The following TTLL9 variants were observed in gnomAD, a reference collection of about 807,000 sequenced individuals.
TTLL9 encodes the protein tubulin tyrosine ligase like 9, also known as probable tubulin polyglutamylase TTLL9.
Under a neutral mutation model 65.6 loss-of-function variants are expected in TTLL9, and 47 were observed. The observed-to-expected ratio is 0.72, with a 90% CI of 0.57 to 0.91. The LOEUF (loss-of-function observed/expected upper bound fraction) is 0.91. Among genes scored for constraint, TTLL9 ranks in the 40% least tolerant of loss-of-function variants. The pLI, the probability that TTLL9 is intolerant of heterozygous loss-of-function variation, is 0.00. For missense variants in TTLL9, 537 were observed against 568.8 expected (o/e 0.94, Z 0.57); for synonymous variants, 179 against 204.8 (o/e 0.87, Z 1.07).
At position 31,887,229 on chromosome 20, in the gene TTLL9, G is replaced by A. The variant is rs762112900; in HGVS notation, c.103G>A (p.Gly35Arg). The A allele has an allele frequency of 6.2e-7, 1 of 1,614,120 alleles. No individual in the cohort carries two copies. The highest frequency in any genetic ancestry group is 8.5e-7 in the Non-Finnish European group (1 of 1,180,000). ...TTACAAGGGCCATGGATTGTCAAAGGGAAAAGAGCGGTGAGTGGTCCCATC... is the reference window on the plus strand; with the variant it reads ...TTACAAGGGCCATGGATTGTCAAAGAGAAAAGAGCGGTGAGTGGTCCCATC... ...QNYKGHGLSK[G>R]KEREQRASIR... The change falls in exon 3 of 15, where the codon GGA becomes AGA. Residue 35 changes from glycine to arginine, a missense_variant. Transcript: ENST00000535842.
intron 10 of TTLL9, among the ~76,000 whole-genome samples, chr20:31,932,002 T>C (rs945461590): frequency 2.0e-5 from 3 of 152,210 alleles, no homozygotes; most frequent in Non-Finnish European, 4.4e-5. Context: ...CTCTATGAAT[T>C]TCATAGTTTT....
intron 3 of TTLL9, among the ~76,000 whole-genome samples, chr20:31,895,116 T>TGTC (rs750673812): frequency 2.0e-5 from 3 of 152,352 alleles, no homozygotes; most frequent in Non-Finnish European, 4.4e-5. Flanking sequence ...CAATCCAGGA[T>TGTC]GTCCACATAG....
At chr20:31,938,325 G>C (rs2064152304) in intron 13 of TTLL9, 1 of 349,858 alleles carries the variant, frequency 2.9e-6, no homozygotes. Context: ...CATGGGGTGA[G>C]GGAGGGAGGG....
chr20:31,928,568 CTAAA>C (rs1192655350), intron 10 of TTLL9, among the ~76,000 whole-genome samples: 13 of 151,344 alleles, frequency 8.6e-5, no homozygotes, highest in Admixed American at 8.6e-4. Context: ...TATACATACA[CTAAA>C]TACAAAAATA....
At chr20:31,921,035 G>A (rs1400265546) in intron 7 of TTLL9, among the ~76,000 whole-genome samples, 1 of 152,214 alleles carries the variant, frequency 6.6e-6, no homozygotes, top group Non-Finnish European at 1.5e-5. Context: ...CATGGGTGGT[G>A]TAGGCAGCAC....
chr20:31,939,034 G>A (rs1291857302), intron 13 of TTLL9, 108 bp from the exon 14 acceptor site: 4 of 1,316,790 alleles, frequency 3.0e-6, no homozygotes, highest in Admixed American at 2.7e-5. Flanking sequence ...AAGGACTTCT[G>A]AGGGACGGAC....
At chr20:31,938,107 TCCCTCC>T in intron 13 of TTLL9, 1 of 278,352 alleles carries the variant, frequency 3.6e-6, no homozygotes, top group South Asian at 2.4e-5. Context: ...CCTCTCCCTC[TCCCTCC>T]CTCCCTCTCC....
chr20:31,943,390 G>A lies in TTLL9; in HGVS notation c.*369G>A, dbSNP rs920906729. The A allele has an allele frequency of 9.2e-5, 31 of 338,524 alleles. No homozygotes were observed. Among genetic ancestry groups the A allele is most frequent in the African/African-American group, 3.8e-4 (18 of 47,300 alleles). The allele number at this position is 338,524 out of a possible 1,614,324, so 21.0% of individuals were successfully genotyped here. ...GTCACTGGGCACCAGGCCTGGTTCC[G>A]GGGATACTGTTGGCTGCAGCCAAGT... On this transcript the variant is annotated 3_prime_UTR_variant, in exon 15 of 15. Transcript: ENST00000535842.
chr20:31,880,857 T>TC (rs2063108844), intron 2 of TTLL9, among the ~76,000 whole-genome samples: 2 of 146,774 alleles, frequency 1.4e-5, no homozygotes, highest in East Asian at 3.9e-4. Flanking sequence ...CTTTCCTTTT[T>TC]TTTTTTTTTT....
In TTLL9 at chr20:31,939,256, C is replaced by A. The variant is rs760827254; in HGVS notation, c.1233C>A (p.Asn411Lys). Residue 411 changes from asparagine (N) to lysine (K), a missense_variant, in exon 14 of 15, where the codon AAC becomes AAA. Physicochemically the swap from Asn to Lys is moderately conservative, Grantham distance 94 (BLOSUM62 0). Transcript: ENST00000535842. Reference sequence around the variant, plus strand: ...CGGGAATGGGAAACTTTGTGACCAACACACATCTCGGTATGTAGGGCCAGG... The same window carrying A: ...CGGGAATGGGAAACTTTGTGACCAAAACACATCTCGGTATGTAGGGCCAGG... ...DLSGMGNFVTNTHLGCVNDRK... is the reference protein window; with the variant it reads ...DLSGMGNFVTKTHLGCVNDRK... 3 of 1,613,530 alleles carry A rather than the reference C, an allele frequency of 1.9e-6. No individual in the cohort carries two copies. Among genetic ancestry groups the A allele is most frequent in the Non-Finnish European group, 1.7e-6 (2 of 1,179,830 alleles).
In TTLL9 at chr20:31,943,814, G is replaced by A. The variant is rs1302689226; in HGVS notation, c.*793G>A. ...TGAGCCAGAAACCGGAAAACCCTGG[G>A]CTCATGGGCAGGACAGCTTCGGGAG... On this transcript the variant is annotated 3_prime_UTR_variant, in exon 15 of 15. Coordinates refer to ENST00000535842, the MANE Select transcript of TTLL9 (RefSeq NM_001008409.5). 2 of 456,580 alleles carry A rather than the reference G, an allele frequency of 4.4e-6. No individual in the cohort carries two copies. The highest frequency in any genetic ancestry group is 1.4e-4 in the East Asian group (2 of 14,406). The allele number at this position is 456,580 out of a possible 1,614,324, so 28.3% of individuals were successfully genotyped here.
intron 10 of TTLL9, among the ~76,000 whole-genome samples, chr20:31,930,886 G>A (rs746597978): frequency 3.1e-4 from 47 of 152,164 alleles, no homozygotes; most frequent in Non-Finnish European, 5.7e-4. Flanking sequence ...TCTGAGGTTG[G>A]CTGACCCATC....
chr20:31,894,844 G>T (rs2063359658), intron 3 of TTLL9, among the ~76,000 whole-genome samples: 1 of 152,022 alleles, frequency 6.6e-6, no homozygotes, highest in African/African-American at 2.4e-5. Context: ...GTTGAACATG[G>T]GTTGGGCTGC....
chr20:31,879,683 G>C (rs933810592), intron 2 of TTLL9: 7 of 759,378 alleles, frequency 9.2e-6, no homozygotes, highest in African/African-American at 7.1e-5. Flanking sequence ...AGGAAGTCGG[G>C]GGACCTAGGC....
chr20:31,924,942 C>A, intron 8 of TTLL9, 67 bp from the exon 9 acceptor site: 1 of 1,579,392 alleles, frequency 6.3e-7, no homozygotes, highest in Admixed American at 1.8e-5. Flanking sequence ...GCTATTTTCC[C>A]AAAACCTAGC....
intron 10 of TTLL9, among the ~76,000 whole-genome samples, chr20:31,933,268 T>TG (rs2064051203): frequency 6.6e-6 from 1 of 152,160 alleles, no homozygotes; most frequent in Non-Finnish European, 1.5e-5. Flanking sequence ...AAGGCCACCC[T>TG]GACCCTATCC....
At chr20:31,925,569 C>T (rs1299933940) in intron 9 of TTLL9, among the ~76,000 whole-genome samples, 1 of 152,208 alleles carries the variant, frequency 6.6e-6, no homozygotes, top group Non-Finnish European at 1.5e-5. Flanking sequence ...TGCATTCCTT[C>T]ATCCAGCCAA....
At chr20:31,879,702 C>T (rs1352127935) in intron 2 of TTLL9, 2 of 957,742 alleles carry the variant, frequency 2.1e-6, no homozygotes, top group Non-Finnish European at 3.0e-6. Flanking sequence ...GCTGCCAGGA[C>T]GCCCAATAGC....
At chr20:31,890,352 G>A (rs751510385) in intron 3 of TTLL9, among the ~76,000 whole-genome samples, 4 of 151,752 alleles carry the variant, frequency 2.6e-5, no homozygotes, top group Non-Finnish European at 5.9e-5. Context: ...TTGTTGTACT[G>A]TTATTACTAT....
Sources: allele counts gnomAD v4.1 joint callset (sites outside exome capture counted in the v4.1 genomes callset), GRCh38; gene constraint gnomAD v4.1.1; transcripts MANE v1.5; gene names NCBI Gene and HGNC (gene_info 2026-07-23, HGNC 2026-07-21).